The following SPG7 variants were observed in gnomAD, a reference collection of about 807,000 sequenced individuals.
SPG7 encodes mitochondrial inner membrane m-AAA protease component paraplegin.
In SPG7, 103 loss-of-function variants were observed where a neutral mutation model predicts 81.9. The ratio of observed to expected loss-of-function variants is 1.26; its 90% CI spans 1.07 to 1.48. SPG7 has a LOEUF of 1.48. Among genes scored for constraint, SPG7 ranks in the 40% most tolerant of loss-of-function variants. SPG7 has a pLI of 0.00. For synonymous variants in SPG7, 534 were observed against 444.2 expected (o/e 1.20, Z -2.54); for missense variants, 1,241 against 1,087.3 (o/e 1.14, Z -1.99).
At position 89,526,457 on chromosome 16, in the gene SPG7, A is replaced by T. The variant is rs1217534543; in HGVS notation, c.747A>T (p.Gly249=). 2 of 1,614,178 alleles carry T rather than the reference A, an allele frequency of 1.2e-6. No individual in the cohort carries two copies. Among genetic ancestry groups the T allele is most frequent in the South Asian group, 2.2e-5 (2 of 91,078 alleles). Residue 249 remains glycine (G), a synonymous_variant, in exon 5 of 17, where the codon GGA becomes GGT. Coordinates refer to ENST00000645818, the MANE Select transcript of SPG7 (RefSeq NM_003119.4). ...DRIPVSYKRT[G]FFGNALYSVG... is the part of the protein sequence containing the mutation. ...TCCCAGTTTCCTACAAGCGAACAGG[A>T]TTCTTTGGAAAGTATGTTGGATGTA...
rs111537904 is a variant in SPG7 at position 89,512,926 on chromosome 16, A to G, written c.287-22A>G. On this transcript the variant is annotated intron_variant, in intron 2 of 16. Transcript: ENST00000645818. ...TGTGGTTGCAAAACTTAATTGTTAA[A>G]TCCTTTCTCTATTTCTCATAGGTGG... 5 of 1,611,618 alleles carry G rather than the reference A, an allele frequency of 3.1e-6. No individual in the cohort carries two copies. In the East Asian group the frequency reaches 8.9e-5, roughly 29 times the overall value.
intron 11 of SPG7, 68 bp from the exon 12 acceptor site, chr16:89,547,935 C>A (rs940131277): frequency 9.3e-6 from 11 of 1,186,254 alleles, no homozygotes; most frequent in Non-Finnish European, 1.4e-5. Flanking sequence ...CCTTGAGGGC[C>A]CCTTCCTCCT....
intron 4 of SPG7, among the ~76,000 whole-genome samples, chr16:89,524,879 C>T (rs1454059233): frequency 6.6e-6 from 1 of 152,020 alleles, no homozygotes; most frequent in African/African-American, 2.4e-5. Context: ...CTGGAAATGA[C>T]CGTGGCCTCC....
chr16:89,534,483 A>G (rs983934764), intron 9 of SPG7, among the ~76,000 whole-genome samples: 2 of 152,156 alleles, frequency 1.3e-5, no homozygotes, highest in South Asian at 2.1e-4. Context: ...TGTAAGATTT[A>G]TTTTTAATCA....
intron 9 of SPG7, among the ~76,000 whole-genome samples, chr16:89,534,464 T>G (rs1243587715): frequency 6.6e-6 from 1 of 152,230 alleles, no homozygotes. Context: ...TCTTCTGAAG[T>G]CTCTGCTTTG....
Position 89,556,981 on chromosome 16 carries a change from C to T in SPG7, c.2276C>T (p.Ala759Val). 6.2e-7 allele frequency: 1 copy of T among 1,613,920 alleles called. No homozygotes were observed. The highest frequency in any genetic ancestry group is 8.5e-7 in the Non-Finnish European group (1 of 1,179,890). The change falls in exon 17 of 17, where the codon GCA becomes GTA. Residue 759 changes from alanine (A) to valine (V), a missense_variant. Ala to Val is a moderately conservative substitution (Grantham distance 64). Transcript: ENST00000645818. ...PPPHGPKKMI[A>V]PQRWIDAQRE... Reference sequence around the variant, plus strand: ...CCCCATGGGCCGAAGAAAATGATCGCACCGCAGAGGTGGATCGACGCCCAG... The same window carrying T: ...CCCCATGGGCCGAAGAAAATGATCGTACCGCAGAGGTGGATCGACGCCCAG...
intron 13 of SPG7, chr16:89,551,541 T>C (rs1162397139): frequency 1.3e-5 from 2 of 152,120 alleles, no homozygotes; most frequent in Non-Finnish European, 2.9e-5. Context: ...GTGGGGCGAG[T>C]GGACACTCAG....
chr16:89,553,414 C>T (rs1353351511), intron 14 of SPG7: 10 of 531,280 alleles, frequency 1.9e-5, no homozygotes, highest in East Asian at 3.4e-5. Flanking sequence ...AAAATTGAAG[C>T]GGCTTCATTG....
chr16:89,537,492 A>T (rs2058441541), intron 9 of SPG7: 1 of 999,196 alleles, frequency 1.0e-6, no homozygotes, highest in South Asian at 4.4e-5. Flanking sequence ...CCTGACGTGC[A>T]GCCACACACA....
At chr16:89,529,927 C>T (rs2058317735) in intron 6 of SPG7, 6 of 345,338 alleles carry the variant, frequency 1.7e-5, no homozygotes, top group South Asian at 1.5e-4. Flanking sequence ...GCAACTTGCA[C>T]CTCCCGCATT....
chr16:89,532,659 C>T, intron 9 of SPG7, 23 bp downstream of exon 9: 1 of 1,612,422 alleles, frequency 6.2e-7, no homozygotes, highest in South Asian at 1.1e-5. Context: ...GCGCCCCGCA[C>T]CCCCATTGCA....
At chr16:89,529,730 C>T in intron 6 of SPG7, 151 bp downstream of exon 6, 2 of 709,106 alleles carry the variant, frequency 2.8e-6, no homozygotes, top group Non-Finnish European at 2.6e-6. Flanking sequence ...CTTCCTTTCC[C>T]ATGGTCCGGC....
intron 12 of SPG7, 43 bp downstream of exon 12, chr16:89,548,156 C>T (rs1170707050): frequency 9.5e-6 from 13 of 1,373,004 alleles, no homozygotes; most frequent in Non-Finnish European, 1.2e-5. Context: ...CTTAGCAGGG[C>T]TTGAACCCCA....
intron 9 of SPG7, among the ~76,000 whole-genome samples, chr16:89,535,811 C>CT (rs2058406313): frequency 6.6e-6 from 1 of 152,192 alleles, no homozygotes; most frequent in Admixed American, 6.5e-5. Flanking sequence ...TGCAGAGCAT[C>CT]TTTATGTGGC....
intron 1 of SPG7, among the ~76,000 whole-genome samples, chr16:89,509,271 T>C (rs1271946058): frequency 6.6e-6 from 1 of 152,172 alleles, no homozygotes; most frequent in East Asian, 1.9e-4. Flanking sequence ...TCGGTTATTT[T>C]TGAGACAGAG....
chr16:89,546,679 C>T lies in SPG7; in HGVS notation c.1471C>T (p.Gln491Ter), dbSNP rs1179556029. The part of the protein sequence containing the change: ...TLQERREIFE[Q>*]HLKSLKLTQS... ...GCAGGAGAGGCGGGAGATTTTTGAG[C>T]AGCACCTGAAGAGCCTGAAGCTGAC... is the stretch of plus-strand genomic sequence containing the variant. The change falls in exon 11 of 17, where the codon CAG (glutamine) becomes TAG (stop). Residue 491 changes from glutamine to a stop codon, truncating the protein, a stop_gained. Transcript: ENST00000645818. LOFTEE classifies it high-confidence loss of function. 1 of 1,613,060 alleles carries T rather than the reference C, an allele frequency of 6.2e-7. No homozygotes were observed. Among genetic ancestry groups the T allele is most frequent in the South Asian group, 1.1e-5 (1 of 91,068 alleles).
intron 9 of SPG7, 131 bp downstream of exon 9, chr16:89,532,767 C>A: frequency 8.5e-6 from 9 of 1,062,604 alleles, no homozygotes; most frequent in Admixed American, 4.6e-5. Context: ...GAGACTCTGT[C>A]TCAAGAAAAA....
intron 9 of SPG7, chr16:89,543,300 G>T (rs1018245031): frequency 7.5e-5 from 11 of 146,750 alleles, no homozygotes; most frequent in African/African-American, 2.8e-4. Context: ...GTCAAGGTAG[G>T]TCTTGTCGTA....
At chr16:89,542,057 G>T (rs967081909) in intron 9 of SPG7, 18 of 152,208 alleles carry the variant, frequency 1.2e-4, no homozygotes, top group African/African-American at 3.9e-4. Context: ...GGGAGCACGT[G>T]CCCCGCAGGG....
Sources: allele counts gnomAD v4.1 joint callset (sites outside exome capture counted in the v4.1 genomes callset), GRCh38; gene constraint gnomAD v4.1.1; transcripts MANE v1.5; gene names NCBI Gene and HGNC (gene_info 2026-07-23, HGNC 2026-07-21).